The following GRIK4 variants were observed in gnomAD, a reference collection of about 807,000 sequenced individuals.
GRIK4 encodes the protein glutamate ionotropic receptor kainate type subunit 4, also known as glutamate receptor ionotropic, kainate 4.
In GRIK4, 40 loss-of-function variants were observed where a neutral mutation model predicts 104.9. That is an observed-to-expected ratio of 0.38 (90% confidence interval 0.30 to 0.50). The LOEUF (loss-of-function observed/expected upper bound fraction) is 0.50, where lower values mean the gene tolerates loss of function less well. Among genes scored for constraint, GRIK4 ranks in the 20% least tolerant of loss-of-function variants. The pLI, the probability that GRIK4 is intolerant of heterozygous loss-of-function variation, is 0.93. For missense variants in GRIK4, 1,047 were observed against 1,308.1 expected (o/e 0.80, Z 3.08); for synonymous variants, 485 against 524.9 (o/e 0.92, Z 1.04).
chr11:120,652,196 G>T, intron 1 of GRIK4, among the ~76,000 whole-genome samples: 1 of 152,188 alleles, frequency 6.6e-6, no homozygotes, highest in South Asian at 2.1e-4. Flanking sequence ...ATTCAATAAA[G>T]ATTATATTAT....
At chr11:120,632,461 T>A (rs1653928426) in intron 1 of GRIK4, among the ~76,000 whole-genome samples, 1 of 151,988 alleles carries the variant, frequency 6.6e-6, no homozygotes. Flanking sequence ...CTCTCTTTCT[T>A]CTCCTTGTCC....
At chr11:120,573,952 T>C (rs1350363590) in intron 1 of GRIK4, among the ~76,000 whole-genome samples, 2 of 152,228 alleles carry the variant, frequency 1.3e-5, no homozygotes, top group Non-Finnish European at 2.9e-5. Flanking sequence ...TTCATCTTGC[T>C]GACTCCAGGC....
intron 3 of GRIK4, among the ~76,000 whole-genome samples, chr11:120,801,072 A>G (rs1332116873): frequency 1.3e-5 from 2 of 152,232 alleles, no homozygotes; most frequent in African/African-American, 4.8e-5. Flanking sequence ...AAAGAACACC[A>G]CACGCATTAG....
chr11:120,651,294 T>C (rs10892592), intron 1 of GRIK4, among the ~76,000 whole-genome samples: 85,256 of 151,988 alleles, frequency 0.56, 25,000 homozygotes, highest in East Asian at 0.7. Flanking sequence ...AGCTATTGTC[T>C]GCAGTTTTAC....
Position 120,644,066 on chromosome 11 carries a change from GA to G in GRIK4, c.-158-9618del, listed in dbSNP as rs1255127213. 5.3e-3 allele frequency among the ~76,000 whole-genome samples: 768 copies of G among 145,224 alleles called. 5 individuals are homozygous for G. Among genetic ancestry groups the G allele is most frequent in the African/African-American group, 0.02 (742 of 37,514 alleles). The stretch of plus-strand genomic sequence containing the variant: ...GTGTGAGAGAGAGAGAGAGGAGAGA[GA>G]GAGAGAGAGAGAGAAAGTGTGTGTA... On this transcript the variant is annotated intron_variant, in intron 1 of 20. Coordinates refer to ENST00000527524, the MANE Select transcript of GRIK4 (RefSeq NM_014619.5).
At chr11:120,904,863 C>A (rs1299760206) in intron 12 of GRIK4, among the ~76,000 whole-genome samples, 3 of 152,196 alleles carry the variant, frequency 2.0e-5, no homozygotes, top group Non-Finnish European at 4.4e-5. Flanking sequence ...CTTCCCAATG[C>A]CCTCCTTGGA....
At chr11:120,814,501 G>A (rs1235284910) in intron 4 of GRIK4, among the ~76,000 whole-genome samples, 3 of 152,222 alleles carry the variant, frequency 2.0e-5, no homozygotes, top group African/African-American at 7.2e-5. Context: ...TCCTGAGGCA[G>A]GAGAATTGCT....
intron 11 of GRIK4, among the ~76,000 whole-genome samples, chr11:120,885,193 C>G (rs923364101): frequency 3.9e-5 from 6 of 152,242 alleles, no homozygotes; most frequent in Non-Finnish European, 4.4e-5. Flanking sequence ...AAAACACCTT[C>G]TAGCTTCCTG....
In GRIK4 at chr11:120,570,134, G is replaced by T. The variant is rs1201946358; in HGVS notation, c.-159+58247G>T. Among the ~76,000 whole-genome samples the T allele has an allele frequency of 2.0e-5, 3 of 149,982 alleles. No individual in the cohort carries two copies. In the East Asian group the frequency reaches 5.8e-4, roughly 29 times the overall value. On this transcript the variant is annotated intron_variant, in intron 1 of 20. Transcript: ENST00000527524. ...GGGCGAGATGAAGCTTAGGCGACAG[G>T]GATCAAGGTCGAAAAGGCTGCAGCT... is the stretch of plus-strand genomic sequence containing the variant.
intron 8 of GRIK4, 114 bp from the exon 9 acceptor site, chr11:120,861,845 G>C (rs1954273674): frequency 3.8e-6 from 3 of 787,694 alleles, no homozygotes; most frequent in Non-Finnish European, 6.5e-6. Context: ...TCCCAACAGA[G>C]TGTCTGGTGT....
At chr11:120,671,000 G>C (rs1011547987) in intron 3 of GRIK4, among the ~76,000 whole-genome samples, 36 of 152,140 alleles carry the variant, frequency 2.4e-4, no homozygotes, top group Non-Finnish European at 2.9e-5. Flanking sequence ...ATGGTTTCCA[G>C]CTTCATTCAT....
In GRIK4 at chr11:120,986,341, C is replaced by T; in HGVS notation, c.*81C>T. 7.2e-7 allele frequency: 1 copy of T among 1,396,658 alleles called. No individual in the cohort carries two copies. Among genetic ancestry groups the T allele is most frequent in the Non-Finnish European group, 9.3e-7 (1 of 1,075,672 alleles). 86.5% of individuals were successfully genotyped at this position (1,396,658 alleles called of 1,614,324 possible). ...GCGGGCGCTGCTGTCAGCCGCCAGC[C>T]GGAACTTGTACAGCGTCGACACCTC... On this transcript the variant is annotated 3_prime_UTR_variant, in exon 21 of 21. Transcript: ENST00000527524.
intron 3 of GRIK4, among the ~76,000 whole-genome samples, chr11:120,725,384 A>G (rs993063359): frequency 7.9e-5 from 12 of 152,210 alleles, no homozygotes; most frequent in African/African-American, 2.9e-4. Context: ...TGTTCCCCAC[A>G]TAGAAAGCCA....
chr11:120,737,043 G>A (rs1951237101), intron 3 of GRIK4, among the ~76,000 whole-genome samples: 1 of 152,180 alleles, frequency 6.6e-6, no homozygotes, highest in Admixed American at 6.5e-5. Flanking sequence ...CTTTAATAAG[G>A]ATAGTCGTTG....
At chr11:120,932,551 C>T (rs1233829816) in intron 13 of GRIK4, among the ~76,000 whole-genome samples, 3 of 152,194 alleles carry the variant, frequency 2.0e-5, no homozygotes, top group Admixed American at 2.0e-4. Context: ...ATTTTCACAG[C>T]CTCAGGCCTG....
chr11:120,888,130 C>T (rs1454153120), intron 11 of GRIK4, among the ~76,000 whole-genome samples: 1 of 152,176 alleles, frequency 6.6e-6, no homozygotes, highest in African/African-American at 2.4e-5. Flanking sequence ...AGGCCACCTT[C>T]AAGGATATGG....
chr11:120,588,672 G>A lies in GRIK4; in HGVS notation c.-158-65013G>A, dbSNP rs1287157361. On this transcript the variant is annotated intron_variant, in intron 1 of 20. Coordinates refer to ENST00000527524, the MANE Select transcript of GRIK4 (RefSeq NM_014619.5). ...TGAACGGAAGAGTTTGGCGGCAGGGGATAGTATAGGGCAGGCTTCTCAACA... is the reference window on the plus strand; with the variant it reads ...TGAACGGAAGAGTTTGGCGGCAGGGAATAGTATAGGGCAGGCTTCTCAACA... Among the ~76,000 whole-genome samples the A allele has an allele frequency of 2.6e-5, 4 of 152,144 alleles. No homozygotes were observed. In the South Asian group the frequency reaches 8.3e-4, roughly 32 times the overall value.
intron 8 of GRIK4, among the ~76,000 whole-genome samples, chr11:120,853,418 C>T (rs1462677726): frequency 6.6e-6 from 1 of 152,102 alleles, no homozygotes; most frequent in African/African-American, 2.4e-5. Context: ...ACCAATGAGT[C>T]CGTAGTCTAG....
chr11:120,728,813 C>T (rs993994789), intron 3 of GRIK4, among the ~76,000 whole-genome samples: 1 of 152,136 alleles, frequency 6.6e-6, no homozygotes, highest in Non-Finnish European at 1.5e-5. Flanking sequence ...TTATTATTGA[C>T]TATAGTCACC....
Sources: gnomAD v4.1 joint callset for allele counts (sites outside exome capture counted in the v4.1 genomes callset) on GRCh38, gnomAD v4.1.1 for gene constraint, MANE v1.5 for transcripts, NCBI Gene and HGNC (gene_info 2026-07-23, HGNC 2026-07-21) for gene names.